Variants in NPIPA9 observed in about 807,000 individuals in gnomAD.
The protein encoded by NPIPA9 is nuclear pore complex interacting protein family member A9, also known as nuclear pore complex-interacting protein family member A9.
intron 3 of NPIPA9, among the ~76,000 whole-genome samples, chr16:18,371,530 G>A (rs4085174): frequency 5.0e-5 from 6 of 119,832 alleles, no homozygotes; most frequent in South Asian, 2.8e-4. Context: ...GTTTTGGTCC[G>A]TTTTGTTTGT....
intron 6 of NPIPA9, among the ~76,000 whole-genome samples, chr16:18,363,271 C>T (rs56124709): frequency 0.014 from 6 of 428 alleles, no homozygotes; most frequent in Admixed American, 0.071. Context: ...CCGAGTTGTG[C>T]GGATCATGAT....
At chr16:18,365,306 T>C (rs1596821865) in intron 4 of NPIPA9, among the ~76,000 whole-genome samples, 2 of 77,368 alleles carry the variant, frequency 2.6e-5, no homozygotes, top group African/African-American at 7.7e-5. Flanking sequence ...ATAGGCCAGG[T>C]GCGGTAGCTC....
chr16:18,363,588 T>C (rs1596821213), intron 6 of NPIPA9, among the ~76,000 whole-genome samples: 1 of 38,814 alleles, frequency 2.6e-5, no homozygotes, highest in Non-Finnish European at 4.6e-5. Context: ...TGCTTCAAAC[T>C]GGGAGGCAGA....
chr16:18,370,391 T>C (rs1900527006), intron 3 of NPIPA9, among the ~76,000 whole-genome samples: 3 of 103,394 alleles, frequency 2.9e-5, no homozygotes, highest in Non-Finnish European at 3.9e-5. Context: ...CATTAGACTC[T>C]TATGTGAGTG....
chr16:18,363,481 TGAGA>T (rs2141680544), intron 6 of NPIPA9, among the ~76,000 whole-genome samples: 1 of 89,168 alleles, frequency 1.1e-5, no homozygotes, highest in Non-Finnish European at 2.1e-5. Context: ...GGTGACAGAG[TGAGA>T]CTCTGTCTCA....
intron 3 of NPIPA9, among the ~76,000 whole-genome samples, chr16:18,370,031 C>T (rs1356677508): frequency 1.4e-5 from 2 of 139,156 alleles, no homozygotes; most frequent in Non-Finnish European, 3.1e-5. Flanking sequence ...GTGGCTCACG[C>T]CTGCAATCCC....
At chr16:18,371,449 C>G (rs889048219) in intron 3 of NPIPA9, among the ~76,000 whole-genome samples, 1 of 58,406 alleles carries the variant, frequency 1.7e-5, no homozygotes, top group Non-Finnish European at 3.0e-5. Context: ...GAGACTCTGT[C>G]TTAAAAAAAA....
rs1287172549 is a variant in NPIPA9 at position 18,375,096 on chromosome 16, G to C, written c.-307-27C>G. On this transcript the variant is annotated intron_variant, in intron 1 of 9. Coordinates refer to ENST00000427999, the Ensembl canonical transcript of NPIPA9. ...TGCAGGACAAGGGCAGTGGTCAGCG[G>C]GCGGCAGCTCAGACCTGCTCAGGAC... 54 of 747,736 alleles carry C rather than the reference G, an allele frequency of 7.2e-5. 8 individuals are homozygous for C. The highest frequency in any genetic ancestry group is 1.1e-4 in the Non-Finnish European group (52 of 481,430). The allele number at this position is 747,736 out of a possible 1,614,324, so 46.3% of individuals were successfully genotyped here.
chr16:18,363,522 C>G, intron 6 of NPIPA9, among the ~76,000 whole-genome samples: 1 of 105,984 alleles, frequency 9.4e-6, no homozygotes, highest in Non-Finnish European at 1.9e-5. Context: ...AAAAAATTGG[C>G]CGAATGTGGT....
At chr16:18,375,368 C>A (rs1900593825) in intron 1 of NPIPA9, among the ~76,000 whole-genome samples, 1 of 146,904 alleles carries the variant, frequency 6.8e-6, no homozygotes, top group African/African-American at 2.6e-5. Flanking sequence ...GCAATCTCAG[C>A]TCACTGCAAC....
At chr16:18,363,460 A>AC (rs1900470360) in intron 6 of NPIPA9, among the ~76,000 whole-genome samples, 1 of 76,242 alleles carries the variant, frequency 1.3e-5, no homozygotes. Context: ...ATGCCACTGC[A>AC]CTCTAGCCTG....
At chr16:18,376,784 A>T in exon 1 of NPIPA9, 1 of 391,586 alleles carries the variant, frequency 2.6e-6, no homozygotes, top group South Asian at 2.2e-5. Context: ...GGTAGACGGG[A>T]TAGACAACCA....
intron 6 of NPIPA9, among the ~76,000 whole-genome samples, chr16:18,363,565 G>C: frequency 4.5e-5 from 3 of 66,280 alleles, no homozygotes; most frequent in African/African-American, 7.7e-5. Flanking sequence ...TACTCGGGAA[G>C]CCAAGGCAGA....
chr16:18,375,201 T>TTC lies in NPIPA9; in HGVS notation c.-307-133_-307-132insGA, dbSNP rs988525225. On this transcript the variant is annotated intron_variant, in intron 1 of 9. Transcript: ENST00000427999. ...AGAATGTCCTAGAATGCTAGATATA[T>TTC]GGGACATCTGCACCGTCCGTGATGG... 5 of 523,558 alleles carry TTC rather than the reference T, an allele frequency of 9.6e-6. 1 individual carries two copies. 32.4% of individuals were successfully genotyped at this position (523,558 alleles called of 1,614,324 possible).
At chr16:18,374,946 C>T (rs1900582013) in exon 2 of NPIPA9, 9 of 556,680 alleles carry the variant, frequency 1.6e-5, no homozygotes, top group South Asian at 1.5e-4. Flanking sequence ...CCCAGTAGAG[C>T]CCTCACCTCA....
intron 2 of NPIPA9, chr16:18,374,434 G>A: frequency 3.4e-6 from 1 of 291,968 alleles, no homozygotes; most frequent in East Asian, 6.9e-5. Flanking sequence ...ATGAGACTCT[G>A]TCTCAAAAAA....
intron 3 of NPIPA9, chr16:18,372,096 C>A (rs1900557193): frequency 1.6e-5 from 1 of 62,790 alleles, no homozygotes; most frequent in South Asian, 1.0e-4. Context: ...GGGACCGGGC[C>A]CGATCTGAGT....
chr16:18,363,489 T>C (rs1297501662), intron 6 of NPIPA9, among the ~76,000 whole-genome samples: 256 of 106,372 alleles, frequency 2.4e-3, no homozygotes, highest in African/African-American at 0.01. Context: ...AGTGAGACTC[T>C]GTCTCAAAAA....
intron 3 of NPIPA9, among the ~76,000 whole-genome samples, chr16:18,370,244 C>T (rs1268096699): frequency 8.7e-5 from 11 of 126,044 alleles, no homozygotes; most frequent in African/African-American, 3.0e-4. Flanking sequence ...GAGCCAAGAT[C>T]GCACCACTGC....
Sources: allele counts gnomAD v4.1 joint callset (sites outside exome capture counted in the v4.1 genomes callset), GRCh38; gene constraint gnomAD v4.1.1; transcripts MANE v1.5; gene names NCBI Gene and HGNC (gene_info 2026-07-23, HGNC 2026-07-21).